SLC35F1: variants seen among roughly 807,000 people sequenced by gnomAD.
SLC35F1 encodes the protein solute carrier family 35 member F1.
SLC35F1 carries 14 observed loss-of-function variants against 48.7 expected under a neutral mutation model. That is an observed-to-expected ratio of 0.29 (90% CI 0.19 to 0.45). The LOEUF (loss-of-function observed/expected upper bound fraction) is 0.45, where lower values mean the gene tolerates loss of function less well. Among genes scored for constraint, SLC35F1 ranks in the 20% least tolerant of loss-of-function variants. SLC35F1 has a pLI of 1.00. For synonymous variants in SLC35F1, 190 were observed against 202.2 expected (o/e 0.94, Z 0.51); for missense variants, 404 against 500.0 (o/e 0.81, Z 1.83).
chr6:118,035,972 G>A (rs545838993), intron 1 of SLC35F1, among the ~76,000 whole-genome samples: 11 of 152,080 alleles, frequency 7.2e-5, no homozygotes, highest in African/African-American at 1.2e-4. Flanking sequence ...AATTACAGGC[G>A]TGAGCCACCG....
chr6:118,001,190 C>G (rs1432918453), intron 1 of SLC35F1, among the ~76,000 whole-genome samples: 1 of 152,230 alleles, frequency 6.6e-6, no homozygotes, highest in African/African-American at 2.4e-5. Flanking sequence ...CACTACCTGA[C>G]TTCAAACTAT....
chr6:118,108,281 T>C (rs1393565307), intron 1 of SLC35F1, among the ~76,000 whole-genome samples: 2 of 152,186 alleles, frequency 1.3e-5, no homozygotes, highest in South Asian at 4.1e-4. Flanking sequence ...TCTTCTATAA[T>C]TAAGTGTGAG....
chr6:118,227,641 A>T (rs1390529823), intron 2 of SLC35F1, among the ~76,000 whole-genome samples: 1 of 149,084 alleles, frequency 6.7e-6, no homozygotes, highest in Non-Finnish European at 1.5e-5. Flanking sequence ...GAAAAAGGGC[A>T]ATTGAGCAGA....
At chr6:118,210,334 C>A (rs924258920) in intron 2 of SLC35F1, among the ~76,000 whole-genome samples, 3 of 152,002 alleles carry the variant, frequency 2.0e-5, no homozygotes, top group African/African-American at 7.3e-5. Context: ...AGACTTTTTC[C>A]CTGTTAAGAT....
chr6:118,272,135 G>A (rs1396773901), intron 4 of SLC35F1, among the ~76,000 whole-genome samples: 1 of 152,200 alleles, frequency 6.6e-6, no homozygotes, highest in East Asian at 1.9e-4. Flanking sequence ...GTATAATGCT[G>A]CAGGATTCAT....
intron 1 of SLC35F1, among the ~76,000 whole-genome samples, chr6:117,913,536 A>G (rs1775788979): frequency 1.3e-5 from 2 of 152,340 alleles, no homozygotes; most frequent in South Asian, 4.1e-4. Flanking sequence ...GAGCTGTTCA[A>G]TATGCAATGC....
At chr6:118,256,111 A>C (rs1256100229) in intron 3 of SLC35F1, among the ~76,000 whole-genome samples, 2 of 152,146 alleles carry the variant, frequency 1.3e-5, no homozygotes, top group Non-Finnish European at 2.9e-5. Context: ...TCCAGGCCAC[A>C]AAATTAAAAT....
chr6:118,235,446 C>A (rs757441707), intron 2 of SLC35F1, 63 bp from the exon 3 acceptor site: 30 of 1,439,934 alleles, frequency 2.1e-5, no homozygotes, highest in Non-Finnish European at 2.6e-5. Flanking sequence ...TAGAATTCTT[C>A]TAAATGTACA....
chr6:117,920,067 C>T (rs1775877174), intron 1 of SLC35F1, among the ~76,000 whole-genome samples: 1 of 152,220 alleles, frequency 6.6e-6, no homozygotes, highest in African/African-American at 2.4e-5. Context: ...CTCAGTGGAG[C>T]TCTTTGTGAC....
rs1383739494 is a variant in SLC35F1, at chr6:118,317,478, A to G, written c.*3226A>G. ...GATTTTACCCCATGGGTAGGATTCT[A>G]TTGTTAAGCCACATAACAAAGCACA... On this transcript the variant is annotated 3_prime_UTR_variant, in exon 8 of 8. Transcript: ENST00000360388. 6.6e-6 allele frequency: 1 copy of G among 152,126 alleles called. No homozygotes were observed. The highest frequency in any genetic ancestry group is 2.4e-5 in the African/African-American group (1 of 41,392). 9.4% of individuals were successfully genotyped at this position (152,126 alleles called of 1,614,324 possible). A position where few individuals can be genotyped will look rare whatever the true frequency, so the allele number is the denominator to read the frequency against.
chr6:118,207,594 G>A (rs7766406), intron 2 of SLC35F1, among the ~76,000 whole-genome samples: 96,497 of 152,022 alleles, frequency 0.63, 31,506 homozygotes, highest in African/African-American at 0.76. Flanking sequence ...GGATGTGCAG[G>A]GATGGGGAGA....
At position 118,102,504 on chromosome 6, in the gene SLC35F1, G is replaced by C. The variant is rs1225254648; in HGVS notation, c.174-51941G>C. Among the ~76,000 whole-genome samples, 5 of 152,258 alleles carry C rather than the reference G, an allele frequency of 3.3e-5. No homozygotes were observed. The South Asian group carries it at 6.2e-4, about 19-fold the overall frequency. The stretch of plus-strand genomic sequence containing the variant: ...CCCCATTTTTTTAAAGAAAAAACTG[G>C]ATGCATATCTAGCTACAGCAACTAG... On this transcript the variant is annotated intron_variant, in intron 1 of 7. Coordinates refer to ENST00000360388, the MANE Select transcript of SLC35F1 (RefSeq NM_001029858.4).
intron 3 of SLC35F1, among the ~76,000 whole-genome samples, chr6:118,262,303 A>T (rs527255571): frequency 6.6e-6 from 1 of 152,184 alleles, no homozygotes; most frequent in Admixed American, 6.5e-5. Context: ...AAGGGATGGG[A>T]TGCGTGTGTG....
intron 3 of SLC35F1, among the ~76,000 whole-genome samples, chr6:118,240,088 C>T (rs896104826): frequency 3.9e-5 from 6 of 152,264 alleles, no homozygotes; most frequent in East Asian, 1.9e-4. Context: ...AAAGAAGACA[C>T]GTTTATTTAG....
Position 118,285,270 on chromosome 6 carries a change from G to A in SLC35F1, c.934G>A (p.Val312Ile). The A allele has an allele frequency of 6.2e-7, 1 of 1,614,018 alleles. No individual in the cohort carries two copies. Among genetic ancestry groups the A allele is most frequent in the Non-Finnish European group, 8.5e-7 (1 of 1,179,918 alleles). The change falls in exon 7 of 8, where the codon GTC becomes ATC. Residue 312 changes from valine to isoleucine, a missense_variant. By Grantham distance (29) the Val-to-Ile change is conservative. Around this residue, in one of 2 missense-constraint regions of SLC35F1, gnomAD observed 306 missense variants for 419.1 expected, o/e 0.73. Coordinates refer to ENST00000360388, the MANE Select transcript of SLC35F1 (RefSeq NM_001029858.4). ...VVIKKTSATS[V>I]NLSLLTADLY... ...CATAAAGAAAACCAGTGCCACTTCAGTCAACCTCTCCTTGCTCACAGCAGA... is the reference window on the plus strand; with the variant it reads ...CATAAAGAAAACCAGTGCCACTTCAATCAACCTCTCCTTGCTCACAGCAGA...
intron 1 of SLC35F1, among the ~76,000 whole-genome samples, chr6:117,960,156 T>A (rs375793854): frequency 2.6e-5 from 4 of 152,100 alleles, no homozygotes; most frequent in African/African-American, 9.6e-5. Flanking sequence ...GAGGAACTGA[T>A]AGTCTAGAGG....
At chr6:118,125,070 C>T (rs776671612) in intron 1 of SLC35F1, among the ~76,000 whole-genome samples, 1 of 152,286 alleles carries the variant, frequency 6.6e-6, no homozygotes, top group Middle Eastern at 3.4e-3. Context: ...GCATAAGAAA[C>T]TATTTGCACA....
intron 1 of SLC35F1, among the ~76,000 whole-genome samples, chr6:118,057,838 G>A (rs904380495): frequency 3.9e-5 from 6 of 152,256 alleles, no homozygotes; most frequent in African/African-American, 1.4e-4. Context: ...AGACATTTGA[G>A]GAATGGATTT....
chr6:118,255,257 C>T (rs1775627401), intron 3 of SLC35F1, among the ~76,000 whole-genome samples: 1 of 152,186 alleles, frequency 6.6e-6, no homozygotes, highest in Admixed American at 6.5e-5. Context: ...ATCTTTAGAA[C>T]TCCATTTCCT....
Sources: gnomAD v4.1 joint callset for allele counts (sites outside exome capture counted in the v4.1 genomes callset) on GRCh38, gnomAD v4.1.1 for gene constraint, gnomAD v4.1.1 regional missense constraint, MANE v1.5 for transcripts, NCBI Gene and HGNC (gene_info 2026-07-23, HGNC 2026-07-21) for gene names.